Variants in SLC2A7 observed in about 807,000 individuals in gnomAD.
The protein encoded by SLC2A7 is solute carrier family 2 member 7, also known as solute carrier family 2, facilitated glucose transporter member 7.
In SLC2A7, 50 loss-of-function variants were observed where a neutral mutation model predicts 50.5. That is an observed-to-expected ratio of 0.99 (90% CI 0.79 to 1.25). The LOEUF is 1.25. Among genes scored for constraint, SLC2A7 ranks in the 50% most tolerant of loss-of-function variants. The pLI, the probability that SLC2A7 is intolerant of heterozygous loss-of-function variation, is 0.00. For synonymous variants in SLC2A7, 308 were observed against 300.4 expected, an observed-to-expected ratio of 1.03 and a Z score of -0.26; for missense variants, 683 against 679.1, an observed-to-expected ratio of 1.01 and a Z score of -0.06.
At chr1:8,995,244 C>T in the SLC2A7 span, among the ~76,000 whole-genome samples, 4 of 150,984 alleles carry the variant, frequency 2.6e-5, no homozygotes, top group East Asian at 2.0e-4. Flanking sequence ...ATCAGGAGAT[C>T]GAGATCATCC....
Position 9,003,468 on chromosome 1 carries a change from G to GC in SLC2A7, c.1370_1371insG (p.Thr458HisfsTer41). On this transcript the variant is annotated frameshift_variant, in exon 12 of 12. Coordinates refer to ENST00000400906, the MANE Select transcript of SLC2A7 (RefSeq NM_207420.3). LOFTEE classifies it low-confidence loss of function (END_TRUNC). ...TAACCACGTAGATGTAAATCGCAGT[G>GC]AGGAGGCAGATTCCGGCAAAGATGA... 11 of 1,614,096 alleles carry GC rather than the reference G, an allele frequency of 6.8e-6. No homozygotes were observed. The highest frequency in any genetic ancestry group is 9.3e-6 in the Non-Finnish European group (11 of 1,180,034).
Position 9,003,468 on chromosome 1 carries a change from G to A in SLC2A7, c.1371C>T (p.Leu457=), listed in dbSNP as rs199826067. The A allele has an allele frequency of 1.2e-6, 2 of 1,614,096 alleles. No homozygotes were observed. The highest frequency in any genetic ancestry group is 2.2e-5 in the East Asian group (1 of 44,906). Residue 457 remains leucine, a synonymous_variant, in exon 12 of 12, where the codon CTC becomes CTT. Transcript: ENST00000400906. ...TAACCACGTAGATGTAAATCGCAGT[G>A]AGGAGGCAGATTCCGGCAAAGATGA... The part of the protein sequence containing the change: ...SFIIFAGICL[L]TAIYIYVVIP...
At chr1:9,019,505 A>G (rs2124261730) in intron 3 of SLC2A7, among the ~76,000 whole-genome samples, 172 bp from the exon 4 acceptor site, 1 of 152,284 alleles carries the variant, frequency 6.6e-6, no homozygotes, top group Middle Eastern at 3.4e-3. Flanking sequence ...CCTATGTTGA[A>G]GGCCTTAACC....
chr1:8,994,873 C>T, the SLC2A7 span, among the ~76,000 whole-genome samples: 8 of 151,804 alleles, frequency 5.3e-5, no homozygotes, highest in Non-Finnish European at 7.4e-5. Flanking sequence ...TGGGTTCAAG[C>T]GATTTTCCCA....
At chr1:8,999,916 G>A (rs1640552335), downstream of SLC2A7, among the ~76,000 whole-genome samples, 1 of 152,172 alleles carries the variant, frequency 6.6e-6, no homozygotes, top group African/African-American at 2.4e-5. Context: ...AGGGGACGCA[G>A]CTGTCAGATC....
intron 3 of SLC2A7, among the ~76,000 whole-genome samples, chr1:9,022,028 T>G (rs927906320): frequency 6.6e-6 from 1 of 152,224 alleles, no homozygotes; most frequent in East Asian, 1.9e-4. Context: ...GCATAATGTA[T>G]GGCAAATTAA....
At chr1:9,014,889 C>G (rs768708903) in intron 6 of SLC2A7, 21 bp from the exon 7 acceptor site, 3 of 1,568,988 alleles carry the variant, frequency 1.9e-6, no homozygotes, top group Non-Finnish European at 2.6e-6. Flanking sequence ...CAGAACCACC[C>G]GCTCAGAGGG....
At chr1:9,005,781 CAAA>C (rs75636224) in intron 10 of SLC2A7, among the ~76,000 whole-genome samples, 5 of 42,618 alleles carry the variant, frequency 1.2e-4, no homozygotes, top group Admixed American at 2.6e-4. Flanking sequence ...GACTCCAACT[CAAA>C]AAAAAAAAAA....
At chr1:9,024,854 A>G in intron 2 of SLC2A7, 122 bp downstream of exon 2, 1 of 1,093,536 alleles carries the variant, frequency 9.1e-7, no homozygotes. Flanking sequence ...CTGCTCCCAA[A>G]GGCAAGATGG....
intron 11 of SLC2A7, among the ~76,000 whole-genome samples, chr1:9,004,506 C>G (rs1207062774): frequency 6.6e-6 from 1 of 152,012 alleles, no homozygotes; most frequent in Non-Finnish European, 1.5e-5. Context: ...CCTTTGAGCT[C>G]CGCGGACCAG....
intron 3 of SLC2A7, among the ~76,000 whole-genome samples, chr1:9,019,631 A>G (rs1418444239): frequency 6.6e-6 from 1 of 152,194 alleles, no homozygotes; most frequent in Non-Finnish European, 1.5e-5. Context: ...TGCCCCGTGA[A>G]GACACAGCCA....
Position 9,024,985 on chromosome 1 carries a change from C to A in SLC2A7, c.141G>T (p.Thr47=), listed in dbSNP as rs757007868. The part of the protein sequence containing the change: ...QYGYNLSVVN[T]PHKVFKSFYN... ...CCCACCTTGTGCCCACCTTGTGCGG[C>A]GTGTTGACCACAGAGAGGTTGTAGC... is the stretch of plus-strand genomic sequence containing the variant. Residue 47 remains threonine, a synonymous_variant, in exon 2 of 12, where the codon ACG becomes ACT. Transcript: ENST00000400906. 1 of 1,535,800 alleles carries A rather than the reference C, an allele frequency of 6.5e-7. No individual in the cohort carries two copies. Among genetic ancestry groups the A allele is most frequent in the African/African-American group, 1.5e-5 (1 of 66,118 alleles).
chr1:9,006,214 G>A (rs548380785), intron 10 of SLC2A7, among the ~76,000 whole-genome samples: 1 of 152,180 alleles, frequency 6.6e-6, no homozygotes, highest in Non-Finnish European at 1.5e-5. Flanking sequence ...CTGCCTCCAC[G>A]TTTGAGGTAC....
intron 11 of SLC2A7, among the ~76,000 whole-genome samples, chr1:9,004,132 C>A (rs918377138): frequency 9.2e-5 from 14 of 151,848 alleles, no homozygotes; most frequent in African/African-American, 3.4e-4. Context: ...AAGTTTGAGA[C>A]CAGCCTGGGC....
downstream of SLC2A7, among the ~76,000 whole-genome samples, chr1:9,001,141 A>G (rs1170699564): frequency 6.6e-6 from 1 of 152,120 alleles, no homozygotes. Flanking sequence ...CGGTGATTCC[A>G]GGGCCCAGAG....
the SLC2A7 span, among the ~76,000 whole-genome samples, chr1:8,994,228 G>C: frequency 6.6e-6 from 1 of 152,348 alleles, no homozygotes; most frequent in Admixed American, 6.5e-5. Flanking sequence ...CCTGAGCCCA[G>C]GCTCACGCTT....
intron 3 of SLC2A7, among the ~76,000 whole-genome samples, chr1:9,021,595 C>T (rs774195755): frequency 5.3e-5 from 8 of 152,190 alleles, no homozygotes; most frequent in Non-Finnish European, 8.8e-5. Context: ...AGGGAGTCCA[C>T]AGACAAGCAG....
At chr1:8,997,053 C>G in the SLC2A7 span, among the ~76,000 whole-genome samples, 1 of 152,174 alleles carries the variant, frequency 6.6e-6, no homozygotes, top group African/African-American at 2.4e-5. Flanking sequence ...GCTGGGATTA[C>G]AGGTGTGAGC....
rs767981493 is a variant in SLC2A7 at position 9,004,752 on chromosome 1, CTGGA to C, written c.1316_1319del (p.Ile439ArgfsTer38). On this transcript the variant is annotated frameshift_variant and splice_region_variant, in exon 11 of 12. Coordinates refer to ENST00000400906, the MANE Select transcript of SLC2A7 (RefSeq NM_207420.3). LOFTEE classifies it low-confidence loss of function (END_TRUNC). ...GGTTGGGGAAGGGGCCCTCACTCAC[CTGGA>C]TGGATGGGAACAGGAAGCCTATGAT... 4 of 1,613,884 alleles carry C rather than the reference CTGGA, an allele frequency of 2.5e-6. No individual in the cohort carries two copies. The Admixed American group carries it at 6.7e-5, about 27-fold the overall frequency.
Sources: gnomAD v4.1 joint callset for allele counts (sites outside exome capture counted in the v4.1 genomes callset) on GRCh38, gnomAD v4.1.1 for gene constraint, MANE v1.5 for transcripts, NCBI Gene and HGNC (gene_info 2026-07-23, HGNC 2026-07-21) for gene names.